Variants in STAT5B observed in about 807,000 individuals in gnomAD.
STAT5B encodes signal transducer and activator of transcription 5B.
STAT5B carries 21 observed loss-of-function variants against 107.8 expected under a neutral mutation model. The ratio of observed to expected loss-of-function variants is 0.19; its 90% CI spans 0.14 to 0.28. The LOEUF (loss-of-function observed/expected upper bound fraction) is 0.28. Among genes scored for constraint, STAT5B ranks in the 10% least tolerant of loss-of-function variants. STAT5B has a pLI of 1.00. For synonymous variants in STAT5B, 325 were observed against 401.7 expected (o/e 0.81, Z 2.28); for missense variants, 565 against 1,008.2 (o/e 0.56, Z 5.95).
intron 17 of STAT5B, 121 bp downstream of exon 17, chr17:42,202,636 C>A (rs950797013): frequency 6.4e-7 from 1 of 1,557,944 alleles, no homozygotes; most frequent in East Asian, 2.2e-5. Flanking sequence ...CCAGGTCCTT[C>A]CCCAGGGCTG....
intron 18 of STAT5B, chr17:42,202,131 G>T: frequency 3.0e-6 from 2 of 661,160 alleles, no homozygotes; most frequent in Non-Finnish European, 5.3e-6. Context: ...TGAGAGAGGG[G>T]AACAGATGAC....
intron 11 of STAT5B, 81 bp downstream of exon 11, chr17:42,217,079 T>TAA: frequency 9.8e-6 from 14 of 1,423,176 alleles, no homozygotes; most frequent in Non-Finnish European, 1.1e-5. Flanking sequence ...TGCTATGTGA[T>TAA]AAAAAAAAAA....
At chr17:42,283,741 T>C in the STAT5B span, among the ~76,000 whole-genome samples, 1 of 152,152 alleles carries the variant, frequency 6.6e-6, no homozygotes, top group Admixed American at 6.5e-5. Context: ...ACCCTGTGCA[T>C]ATAAACACAC....
intron 2 of STAT5B, among the ~76,000 whole-genome samples, chr17:42,228,414 G>A (rs768534096): frequency 3.3e-5 from 5 of 151,636 alleles, no homozygotes; most frequent in Non-Finnish European, 4.4e-5. Context: ...CTTTCCTTCC[G>A]TTCCTTCCTT....
At chr17:42,242,539 A>G (rs1412097840) in intron 1 of STAT5B, among the ~76,000 whole-genome samples, 2 of 152,082 alleles carry the variant, frequency 1.3e-5, no homozygotes, top group Non-Finnish European at 2.9e-5. Flanking sequence ...GAATACACAA[A>G]CTAAATCATG....
intron 1 of STAT5B, among the ~76,000 whole-genome samples, chr17:42,261,151 G>A (rs921034798): frequency 6.6e-5 from 10 of 151,940 alleles, no homozygotes; most frequent in East Asian, 1.9e-4. Context: ...CAAGTGGTCC[G>A]CCCACCTCAG....
intron 1 of STAT5B, among the ~76,000 whole-genome samples, chr17:42,255,039 C>T (rs1446580901): frequency 6.6e-6 from 1 of 151,984 alleles, no homozygotes; most frequent in East Asian, 1.9e-4. Flanking sequence ...TGCAGGGAGC[C>T]GAGATCGTGC....
At chr17:42,240,339 C>T (rs149885978) in intron 1 of STAT5B, among the ~76,000 whole-genome samples, 4 of 152,224 alleles carry the variant, frequency 2.6e-5, no homozygotes, top group East Asian at 1.9e-4. Context: ...GAAGTACTGA[C>T]GCATGCTACA....
chr17:42,273,935 A>G (rs1476361971), intron 1 of STAT5B, among the ~76,000 whole-genome samples: 2 of 152,196 alleles, frequency 1.3e-5, no homozygotes, highest in Admixed American at 1.3e-4. Context: ...CATAAAAACA[A>G]TCAAGAGAGG....
intron 1 of STAT5B, among the ~76,000 whole-genome samples, chr17:42,256,804 G>C (rs920725894): frequency 7.0e-6 from 1 of 142,774 alleles, no homozygotes; most frequent in East Asian, 2.1e-4. Context: ...AGAGCGTGCA[G>C]TGAACGGAGA....
intron 1 of STAT5B, among the ~76,000 whole-genome samples, chr17:42,262,872 G>GTATATATACACATATATATGTGTGTA (rs1567677103): frequency 5.9e-5 from 7 of 118,970 alleles, no homozygotes; most frequent in African/African-American, 2.2e-4. Flanking sequence ...ATATGTGTGT[G>GTATATATACACATATATATGTGTGTA]TATATATACA....
At chr17:42,203,065 C>G (rs1350698404) in intron 16 of STAT5B, 1 of 501,180 alleles carries the variant, frequency 2.0e-6, no homozygotes, top group Non-Finnish European at 3.7e-6. Context: ...GCCTCAGCCT[C>G]CTGAGTAGCT....
chr17:42,225,663 T>C (rs1229901277), intron 3 of STAT5B, among the ~76,000 whole-genome samples: 2 of 152,224 alleles, frequency 1.3e-5, no homozygotes, highest in African/African-American at 2.4e-5. Context: ...AAACCACCTA[T>C]AGATTGCTTA....
rs2080199294 is a variant in STAT5B, at chr17:42,218,982, G to A, written c.834-104C>T. On this transcript the variant is annotated intron_variant, in intron 7 of 18. Transcript: ENST00000293328. ...TCCCCCAGGAAGGCTCTGTGCTTTC[G>A]CCACACTTCCCACCCATGGGAAGAG... 8 of 1,315,100 alleles carry A rather than the reference G, an allele frequency of 6.1e-6. No individual in the cohort carries two copies. The Admixed American group carries it at 1.3e-4, about 22-fold the overall frequency. 81.5% of individuals were successfully genotyped at this position (1,315,100 alleles called of 1,614,324 possible).
In STAT5B at chr17:42,223,374, C is replaced by T. The variant is rs776659206; in HGVS notation, c.550+8G>A. The T allele has an allele frequency of 6.6e-5, 107 of 1,614,080 alleles. No homozygotes were observed. Among genetic ancestry groups the T allele is most frequent in the East Asian group, 2.9e-4 (13 of 44,900 alleles). ...CAAGTTGCACAATGTGCCTCCACCGCGCCTCACCTTGGATCCTCAGGCTCT... is the reference window on the plus strand; with the variant it reads ...CAAGTTGCACAATGTGCCTCCACCGTGCCTCACCTTGGATCCTCAGGCTCT... On this transcript the variant is annotated splice_region_variant and intron_variant, in intron 5 of 18. Transcript: ENST00000293328.
rs1181280365 is a variant in STAT5B at position 42,200,890 on chromosome 17, G to A, written c.*848C>T. The A allele has an allele frequency of 2.5e-6, 1 of 394,404 alleles. No homozygotes were observed. The highest frequency in any genetic ancestry group is 4.5e-6 in the Non-Finnish European group (1 of 223,972). The allele number at this position is 394,404 out of a possible 1,614,324, so 24.4% of individuals were successfully genotyped here. On this transcript the variant is annotated 3_prime_UTR_variant, in exon 19 of 19. Coordinates refer to ENST00000293328, the MANE Select transcript of STAT5B (RefSeq NM_012448.4). Reference sequence around the variant, plus strand: ...ACCAGGCAACAATCTCAGCGCCTGGGAGTCAGGGCTGCGCACTCCACTCTG... The same window carrying A: ...ACCAGGCAACAATCTCAGCGCCTGGAAGTCAGGGCTGCGCACTCCACTCTG...
At chr17:42,249,224 T>C (rs2080477478) in intron 1 of STAT5B, among the ~76,000 whole-genome samples, 1 of 152,112 alleles carries the variant, frequency 6.6e-6, no homozygotes, top group South Asian at 2.1e-4. Flanking sequence ...AAACCCCGTC[T>C]CTACCAAAAA....
chr17:42,273,333 T>C (rs1014704213), intron 1 of STAT5B, among the ~76,000 whole-genome samples: 1 of 152,220 alleles, frequency 6.6e-6, no homozygotes, highest in Non-Finnish European at 1.5e-5. Flanking sequence ...AGAGCTAACT[T>C]TGAAGCATTA....
intron 9 of STAT5B, 157 bp from the exon 10 acceptor site, chr17:42,217,621 T>G (rs2080183403): frequency 1.3e-6 from 1 of 740,874 alleles, no homozygotes; most frequent in Non-Finnish European, 2.3e-6. Flanking sequence ...CATGTAATCT[T>G]CTCGGACGTA....
Sources: gnomAD v4.1 joint callset for allele counts (sites outside exome capture counted in the v4.1 genomes callset) on GRCh38, gnomAD v4.1.1 for gene constraint, MANE v1.5 for transcripts, NCBI Gene and HGNC (gene_info 2026-07-23, HGNC 2026-07-21) for gene names.